Variants in CSMD1 observed in about 807,000 individuals in gnomAD.
CSMD1 encodes CUB and Sushi multiple domains 1.
Under a neutral mutation model 417.5 loss-of-function variants are expected in CSMD1, and 213 were observed. The observed-to-expected ratio is 0.51, with a 90% CI of 0.46 to 0.57. The LOEUF (loss-of-function observed/expected upper bound fraction) is 0.57. CSMD1 is among the 20% of genes least tolerant of loss of function. The probability of loss-of-function intolerance (pLI) is 0.00; values close to 1 mark genes in which losing one functional copy is unlikely to be tolerated. For synonymous variants in CSMD1, 2,862 were observed against 1,736.8 expected (o/e 1.65, Z -16.11); for missense variants, 6,923 against 4,529.7 (o/e 1.53, Z -15.17).
intron 3 of CSMD1, among the ~76,000 whole-genome samples, chr8:4,109,344 G>T (rs143572039): frequency 1.3e-5 from 2 of 151,842 alleles, no homozygotes; most frequent in Non-Finnish European, 2.9e-5. Flanking sequence ...TCATTTTCAC[G>T]AATAAAATCT....
intron 43 of CSMD1, among the ~76,000 whole-genome samples, chr8:3,109,727 G>A (rs568438083): frequency 3.4e-4 from 52 of 151,596 alleles, no homozygotes; most frequent in African/African-American, 1.2e-3. Flanking sequence ...CAACAAGAGT[G>A]CAGCCACACC....
chr8:3,368,832 T>A (rs532301389), intron 19 of CSMD1, among the ~76,000 whole-genome samples: 115 of 152,320 alleles, frequency 7.5e-4, no homozygotes, highest in African/African-American at 2.6e-3. Context: ...AGATAAATTA[T>A]TCATTATGTA....
chr8:4,069,206 G>A lies in CSMD1; in HGVS notation c.416-37107C>T, dbSNP rs73658565. 5.9e-5 allele frequency among the ~76,000 whole-genome samples: 9 copies of A among 152,250 alleles called. No homozygotes were observed. In the South Asian group the frequency reaches 6.2e-4, roughly 11 times the overall value. ...TAAAACCACATACTCTGATTGAGGC[G>A]TGAATGTAAAATTGTCATACAGATG... On this transcript the variant is annotated intron_variant, in intron 3 of 69. Transcript: ENST00000635120.
chr8:3,913,423 C>T (rs1006249735), intron 5 of CSMD1, among the ~76,000 whole-genome samples: 2 of 152,062 alleles, frequency 1.3e-5, no homozygotes, highest in Non-Finnish European at 2.9e-5. Flanking sequence ...TGGGATGTGT[C>T]CCAGAAGCAA....
intron 69 of CSMD1, among the ~76,000 whole-genome samples, chr8:2,942,220 C>G (rs1801921518): frequency 6.6e-6 from 1 of 151,950 alleles, no homozygotes; most frequent in Non-Finnish European, 1.5e-5. Flanking sequence ...CTGATGGGTG[C>G]TGGGCTGAAT....
intron 26 of CSMD1, among the ~76,000 whole-genome samples, chr8:3,276,284 G>C (rs924029420): frequency 2.6e-4 from 39 of 152,292 alleles, no homozygotes; most frequent in South Asian, 8.3e-4. Flanking sequence ...CCTGTTGTCA[G>C]ATCTCCAGCT....
chr8:3,177,308 C>G (rs1401899990), intron 37 of CSMD1, among the ~76,000 whole-genome samples: 3 of 152,158 alleles, frequency 2.0e-5, no homozygotes, highest in African/African-American at 7.2e-5. Context: ...CCTAGGGGCA[C>G]AGCTGGAGGC....
intron 1 of CSMD1, among the ~76,000 whole-genome samples, chr8:4,989,280 A>C (rs79762446): frequency 6.6e-6 from 1 of 152,048 alleles, no homozygotes. Flanking sequence ...CAGTAAAAAA[A>C]GAAAAAAAAA....
chr8:3,095,163 A>G (rs1026084600), intron 47 of CSMD1, among the ~76,000 whole-genome samples: 2 of 152,202 alleles, frequency 1.3e-5, no homozygotes, highest in Non-Finnish European at 2.9e-5. Context: ...ACTGTGAAAC[A>G]AAAGAACATG....
At position 3,096,956 on chromosome 8, in the gene CSMD1, G is replaced by C. The variant is rs1815350927; in HGVS notation, c.7031C>G (p.Ser2344Cys). ...TTTAATACTCCAAGAGCAAGTCTGG[G>C]AGTTAAAATAATTACCCGGATACCC... ...SPGYPGNYFN[S>C]QTCSWSIKVE... Residue 2344 changes from serine to cysteine, a missense_variant, in exon 47 of 70, where the codon TCC (serine) becomes TGC (cysteine). Transcript: ENST00000635120. 1 of 1,555,302 alleles carries C rather than the reference G, an allele frequency of 6.4e-7. No homozygotes were observed. Among genetic ancestry groups the C allele is most frequent in the Non-Finnish European group, 8.7e-7 (1 of 1,148,480 alleles).
chr8:3,066,115 G>C (rs1017036805), intron 49 of CSMD1, among the ~76,000 whole-genome samples: 2 of 152,196 alleles, frequency 1.3e-5, no homozygotes, highest in African/African-American at 2.4e-5. Context: ...ATTCAAAGGA[G>C]TGCGGGCCTA....
intron 3 of CSMD1, among the ~76,000 whole-genome samples, chr8:4,339,300 T>A (rs1022602526): frequency 6.6e-6 from 1 of 152,116 alleles, no homozygotes; most frequent in Non-Finnish European, 1.5e-5. Flanking sequence ...CCCTTTCAGT[T>A]CTTACCATTT....
At chr8:3,949,232 A>G (rs1281390864) in intron 5 of CSMD1, among the ~76,000 whole-genome samples, 2 of 152,168 alleles carry the variant, frequency 1.3e-5, no homozygotes, top group Non-Finnish European at 2.9e-5. Flanking sequence ...TCTGTTAGCA[A>G]TTTTGAAAAA....
intron 48 of CSMD1, among the ~76,000 whole-genome samples, chr8:3,091,057 AAT>A (rs930473270): frequency 9.2e-5 from 14 of 151,882 alleles, no homozygotes; most frequent in African/African-American, 3.4e-4. Flanking sequence ...TATTTGTACA[AAT>A]ATATATATAC....
chr8:4,557,429 G>GT (rs146510022), intron 2 of CSMD1, among the ~76,000 whole-genome samples: 2,240 of 145,938 alleles, frequency 0.015, 23 homozygotes, highest in South Asian at 0.027. Flanking sequence ...AATCTGCGAG[G>GT]TTTTTTTTTT....
intron 3 of CSMD1, among the ~76,000 whole-genome samples, chr8:4,307,912 G>C (rs538381413): frequency 7.9e-5 from 12 of 152,248 alleles, no homozygotes; most frequent in African/African-American, 2.4e-4. Context: ...CACGTTTTTA[G>C]CAAGAGGACC....
At chr8:3,084,697 G>T (rs7461717) in intron 49 of CSMD1, among the ~76,000 whole-genome samples, 36,245 of 151,790 alleles carry the variant, frequency 0.24, 4,711 homozygotes, top group East Asian at 0.33. Flanking sequence ...AGCAAAAACT[G>T]TTGGGGCATA....
chr8:3,042,943 G>A (rs11991417), intron 50 of CSMD1, among the ~76,000 whole-genome samples: 3,952 of 151,226 alleles, frequency 0.026, 110 homozygotes, highest in African/African-American at 0.091. Flanking sequence ...AGTATATATA[G>A]TGATATACAT....
intron 7 of CSMD1, among the ~76,000 whole-genome samples, chr8:3,648,193 A>G (rs757574455): frequency 7.2e-5 from 11 of 152,248 alleles, no homozygotes; most frequent in Non-Finnish European, 1.6e-4. Flanking sequence ...ACATATGTGT[A>G]TATTACTCTT....
Sources: gnomAD v4.1 joint callset for allele counts (sites outside exome capture counted in the v4.1 genomes callset) on GRCh38, gnomAD v4.1.1 for gene constraint, MANE v1.5 for transcripts, NCBI Gene and HGNC (gene_info 2026-07-23, HGNC 2026-07-21) for gene names.